The following CLDN5 variants were observed in gnomAD, a reference collection of about 807,000 sequenced individuals.
CLDN5 encodes claudin 5.
A neutral mutation model predicts 1.3 loss-of-function variants in CLDN5; 4 were observed. The observed-to-expected ratio is 3.07, with a 90% CI of 1.51 to 7.03. The LOEUF (loss-of-function observed/expected upper bound fraction) is 7.03. Ranked by LOEUF, CLDN5 falls within the 30% of genes most tolerant of loss-of-function variation. The pLI, the probability that CLDN5 is intolerant of heterozygous loss-of-function variation, is 0.00. For missense variants in CLDN5, 225 were observed against 303.5 expected, an observed-to-expected ratio of 0.74 and a Z score of 1.92; for synonymous variants, 156 against 152.3, an observed-to-expected ratio of 1.02 and a Z score of -0.18.
chr22:19,524,300 G>C lies in CLDN5; in HGVS notation c.-45C>G, dbSNP rs762144483. On this transcript the variant is annotated 5_prime_UTR_variant, in exon 1 of 1. Coordinates refer to ENST00000618236, the MANE Select transcript of CLDN5 (RefSeq NM_001363066.2). ...ACCCGAAGGCCCGCAGAACCCCCAA[G>C]GCCGTGCTGCGCGGCGCCCTGGGCG... The C allele has an allele frequency of 2.6e-6, 4 of 1,534,024 alleles. No individual in the cohort carries two copies. The African/African-American group carries it at 5.5e-5, about 21-fold the overall frequency.
chr22:19,523,062 C>T lies in CLDN5; in HGVS notation c.*537G>A, dbSNP rs114774816. On this transcript the variant is annotated 3_prime_UTR_variant, in exon 1 of 1. Coordinates refer to ENST00000618236, the MANE Select transcript of CLDN5 (RefSeq NM_001363066.2). ...ACCATTTACTAAGCAGATTCTTAGC[C>T]TTCCCACTCCCGCCCTCTCTCAAGC... The T allele has an allele frequency of 5.6e-3, 867 of 154,068 alleles. 15 individuals are homozygous for T. The highest frequency in any genetic ancestry group is 0.019 in the African/African-American group (803 of 41,614). The allele number at this position is 154,068 out of a possible 1,614,324, so 9.5% of individuals were successfully genotyped here.
At chr22:19,524,480 G>GC (rs1298177987), upstream of CLDN5, 6 of 1,432,440 alleles carry the variant, frequency 4.2e-6, no homozygotes, top group African/African-American at 9.0e-5. Context: ...CGGCCCCCCG[G>GC]CCCGAAGCAG....
At chr22:19,525,293 G>A (rs1465035945), upstream of CLDN5, 1 of 999,530 alleles carries the variant, frequency 1.0e-6, no homozygotes, top group Admixed American at 6.1e-5. Flanking sequence ...GGGCAGTGGT[G>A]GCCCCAGGCC....
chr22:19,523,986 C>A lies in CLDN5; in HGVS notation c.270G>T (p.Leu90=), dbSNP rs1405854009. 6.3e-7 allele frequency: 1 copy of A among 1,589,120 alleles called. No individual in the cohort carries two copies. Among genetic ancestry groups the A allele is most frequent in the East Asian group, 2.3e-5 (1 of 44,180 alleles). Residue 90 remains leucine (L), a synonymous_variant, in exon 1 of 1, where the codon CTG becomes CTT. Coordinates refer to ENST00000618236, the MANE Select transcript of CLDN5 (RefSeq NM_001363066.2). The stretch of plus-strand genomic sequence containing the variant: ...GGGTCACGAAGAGCGCAACGAACGC[C>A]AGCAGCACGGCGCTCACGGTGAGCG... ...ARALTVSAVL[L]AFVALFVTLA...
upstream of CLDN5, chr22:19,524,570 AG>A (rs1934190952): frequency 2.9e-6 from 4 of 1,371,552 alleles, no homozygotes; most frequent in Non-Finnish European, 3.8e-6. Flanking sequence ...ACGGCTCTTG[AG>A]GGGTAGCTGA....
upstream of CLDN5, chr22:19,524,782 G>T: frequency 8.1e-7 from 1 of 1,237,214 alleles, no homozygotes. Context: ...ACTGAGCCGG[G>T]TGGTCTCTTC....
At position 19,523,809 on chromosome 22, in the gene CLDN5, G is replaced by A; in HGVS notation, c.447C>T (p.Asp149=). The A allele has an allele frequency of 3.7e-6, 6 of 1,608,372 alleles. No individual in the cohort carries two copies. The highest frequency in any genetic ancestry group is 4.2e-6 in the Non-Finnish European group (5 of 1,178,036). Residue 149 remains aspartate (D), a synonymous_variant, in exon 1 of 1, where the codon GAC becomes GAT. Coordinates refer to ENST00000618236, the MANE Select transcript of CLDN5 (RefSeq NM_001363066.2). ...FANIVVREFY[D]PSVPVSQKYE... ...ACTTCTGCGACACGGGCACAGACGG[G>A]TCGTAAAACTCGCGGACGACAATGT...
upstream of CLDN5, chr22:19,524,914 A>G (rs1934198019): frequency 9.5e-7 from 1 of 1,048,046 alleles, no homozygotes; most frequent in African/African-American, 1.7e-5. Context: ...AGCCCCACCC[A>G]GGCCCTTTCT....
At chr22:19,525,024 G>A (rs1047576215), upstream of CLDN5, 31 of 1,002,846 alleles carry the variant, frequency 3.1e-5, no homozygotes, top group African/African-American at 3.5e-5. Flanking sequence ...TCAGGCCCAG[G>A]GCCCCAGCCT....
chr22:19,523,967 C>A lies in CLDN5; in HGVS notation c.289G>T (p.Val97Leu). 6.3e-7 allele frequency: 1 copy of A among 1,588,258 alleles called. No homozygotes were observed. The highest frequency in any genetic ancestry group is 1.3e-5 in the African/African-American group (1 of 74,760). ...AVLLAFVALF[V>L]TLAGAQCTTC... ...GTGCACTGCGCGCCCGCCAGGGTCA[C>A]GAAGAGCGCAACGAACGCCAGCAGC... Residue 97 changes from valine to leucine, a missense_variant, in exon 1 of 1, where the codon GTG (valine) becomes TTG (leucine). By Grantham distance (32) the Val-to-Leu change is conservative. Around this residue, in one of 3 missense-constraint regions of CLDN5, gnomAD observed 165 missense variants for 211.9 expected, o/e 0.78. Coordinates refer to ENST00000618236, the MANE Select transcript of CLDN5 (RefSeq NM_001363066.2).
At position 19,523,718 on chromosome 22, in the gene CLDN5, G is replaced by C; in HGVS notation, c.538C>G (p.Leu180Val). The C allele has an allele frequency of 1.2e-6, 2 of 1,606,770 alleles. No homozygotes were observed. Among genetic ancestry groups the C allele is most frequent in the Non-Finnish European group, 1.7e-6 (2 of 1,178,360 alleles). The change falls in exon 1 of 1, where the codon CTC becomes GTC. Residue 180 changes from leucine (L) to valine (V), a missense_variant. Physicochemically the swap from Leu to Val is conservative, Grantham distance 32 (BLOSUM62 1). Around this residue, in one of 3 missense-constraint regions of CLDN5, gnomAD observed 165 missense variants for 211.9 expected, o/e 0.78. Coordinates refer to ENST00000618236, the MANE Select transcript of CLDN5 (RefSeq NM_001363066.2). ...CAGACCCAGGCGCCGCAGCACAAGA[G>C]GCAGCCGCCTACCATGAGCAGCGCG... ...ATALLMVGGCLLCCGAWVCTG... is the reference protein window; with the variant it reads ...ATALLMVGGCVLCCGAWVCTG...
Position 19,523,751 on chromosome 22 carries a change from C to T in CLDN5, c.505G>A (p.Ala169Thr). The T allele has an allele frequency of 6.2e-7, 1 of 1,605,798 alleles. No homozygotes were observed. Among genetic ancestry groups the T allele is most frequent in the African/African-American group, 1.3e-5 (1 of 74,930 alleles). Residue 169 changes from alanine to threonine, a missense_variant, in exon 1 of 1, where the codon GCG becomes ACG. By Grantham distance (58) the Ala-to-Thr change is moderately conservative. Around this residue, in one of 3 missense-constraint regions of CLDN5, gnomAD observed 165 missense variants for 211.9 expected, o/e 0.78. Transcript: ENST00000618236. ...ELGAALYIGW[A>T]ATALLMVGGC... is the part of the protein sequence containing the mutation. Reference sequence around the variant, plus strand: ...CCTACCATGAGCAGCGCGGTGGCCGCCCAGCCGATGTACAGCGCTGCGCCC... The same window carrying T: ...CCTACCATGAGCAGCGCGGTGGCCGTCCAGCCGATGTACAGCGCTGCGCCC...
rs772894288 is a variant in CLDN5, at chr22:19,523,921, G to C, written c.335C>G (p.Pro112Arg). Residue 112 changes from proline (P) to arginine (R), a missense_variant, in exon 1 of 1, where the codon CCG (proline) becomes CGG (arginine). Around this residue, in one of 3 missense-constraint regions of CLDN5, gnomAD observed 165 missense variants for 211.9 expected, o/e 0.78. Coordinates refer to ENST00000618236, the MANE Select transcript of CLDN5 (RefSeq NM_001363066.2). ...AQCTTCVAPG[P>R]AKARVALTGG... ...CGTGAGGGCCACACGCGCCTTGGCC[G>C]GGCCCGGGGCCACGCAGGTGGTGCA... 72 of 1,597,984 alleles carry C rather than the reference G, an allele frequency of 4.5e-5. No individual in the cohort carries two copies. Among genetic ancestry groups the C allele is most frequent in the Non-Finnish European group, 5.7e-5 (67 of 1,175,930 alleles).
upstream of CLDN5, chr22:19,524,426 G>T: frequency 3.5e-6 from 5 of 1,447,190 alleles, no homozygotes; most frequent in Non-Finnish European, 3.6e-6. Context: ...CTGCCGGGGG[G>T]TACCCTCTTT....
Position 19,523,630 on chromosome 22 carries a change from G to T in CLDN5, c.626C>A (p.Thr209Asn). The stretch of plus-strand genomic sequence containing the variant: ...GTAGTTCTTCTTGTCGTAGTCGCCG[G>T]TGGCCGTGGGCCGCCGCGGCGCTGA... ...KYSAPRRPTA[T>N]GDYDKKNYV Residue 209 changes from threonine (T) to asparagine (N), a missense_variant, in exon 1 of 1, where the codon ACC (threonine) becomes AAC (asparagine). Transcript: ENST00000618236. 6.3e-7 allele frequency: 1 copy of T among 1,599,168 alleles called. No individual in the cohort carries two copies. The highest frequency in any genetic ancestry group is 8.5e-7 in the Non-Finnish European group (1 of 1,175,296).
chr22:19,525,044 T>C (rs1934200799), upstream of CLDN5: 1 of 1,001,606 alleles, frequency 1.0e-6, no homozygotes, highest in African/African-American at 1.7e-5. Context: ...TCACCCCCCA[T>C]GCCACTCACT....
chr22:19,524,364 C>T lies in CLDN5; in HGVS notation c.-109G>A. ...TTGCGCCCGCGCTCCCGGCTCTTGG[C>T]CCCAGTCCGTTTGCCCCGCGGGTCT... On this transcript the variant is annotated 5_prime_UTR_variant, in exon 1 of 1. Transcript: ENST00000618236. 16 of 1,475,030 alleles carry T rather than the reference C, an allele frequency of 1.1e-5. No homozygotes were observed. The highest frequency in any genetic ancestry group is 2.5e-5 in the Admixed American group (1 of 39,742). 91.4% of individuals were successfully genotyped at this position (1,475,030 alleles called of 1,614,324 possible). A position where few individuals can be genotyped will look rare whatever the true frequency, so the allele number is the denominator to read the frequency against.
chr22:19,524,004 G>A lies in CLDN5; in HGVS notation c.252C>T (p.Thr84=). ...CGAACGCCAGCAGCACGGCGCTCAC[G>A]GTGAGCGCCCGCGCCGCCTGCACCT... ...STEVQAARAL[T]VSAVLLAFVA... Residue 84 remains threonine, a synonymous_variant, in exon 1 of 1, where the codon ACC becomes ACT. Transcript: ENST00000618236. The A allele has an allele frequency of 3.8e-6, 6 of 1,591,144 alleles. No homozygotes were observed. The South Asian group carries it at 6.7e-5, about 18-fold the overall frequency.
chr22:19,524,196 AC>A lies in CLDN5; in HGVS notation c.59del (p.Gly20ValfsTer2), dbSNP rs768198935. 4.4e-6 allele frequency: 7 copies of A among 1,605,532 alleles called. No individual in the cohort carries two copies. Among genetic ancestry groups the A allele is most frequent in the Admixed American group, 1.7e-5 (1 of 59,096 alleles). On this transcript the variant is annotated frameshift_variant, in exon 1 of 1. Coordinates refer to ENST00000618236, the MANE Select transcript of CLDN5 (RefSeq NM_001363066.2). LOFTEE classifies it low-confidence loss of function (END_TRUNC). ...TGGGCAGCCCGCACGCCAGGATCAG[AC>A]CCCCCCAGCCCACCAGGCACAGCAC... ...GLVLCLVGWG[G>X]LILACGLPMW...
Sources: gnomAD v4.1 joint callset for allele counts on GRCh38, gnomAD v4.1.1 for gene constraint, gnomAD v4.1.1 regional missense constraint, MANE v1.5 for transcripts, NCBI Gene and HGNC (gene_info 2026-07-23, HGNC 2026-07-21) for gene names.